The following ZNF630 variants were observed in gnomAD, a reference collection of about 807,000 sequenced individuals.
ZNF630 encodes zinc finger protein 630.
ZNF630 carries 5 observed loss-of-function variants against 7.2 expected under a neutral mutation model. That is an observed-to-expected ratio of 0.70 (90% CI 0.36 to 1.46). The LOEUF is 1.46. ZNF630 is among the 40% of genes most tolerant of loss of function. The pLI, the probability that ZNF630 is intolerant of heterozygous loss-of-function variation, is 0.03. For synonymous variants in ZNF630, 158 were observed against 162.8 expected (o/e 0.97, Z 0.23); for missense variants, 461 against 477.0 (o/e 0.97, Z 0.31).
At position 48,059,855 on chromosome X, in the gene ZNF630, CTGTTATAA is replaced by C. The variant is rs782559027; in HGVS notation, c.579_586del (p.Asn193LysfsTer10). On this transcript the variant is annotated frameshift_variant, in exon 5 of 5. Transcript: ENST00000276054. LOFTEE classifies it low-confidence loss of function (END_TRUNC). ...AGTGGGGTTCTTTCTTGCATAGCTC[CTGTTATAA>C]TTTAGTAAGTCTGAATTAGACTTCA... The C allele has an allele frequency of 8.3e-7, 1 of 1,208,132 alleles. No homozygotes were observed. The highest frequency in any genetic ancestry group is 2.2e-5 in the Admixed American group (1 of 45,879).
Position 48,069,614 on chromosome X carries a change from G to T in ZNF630, c.-176+1653C>A, listed in dbSNP as rs1350363733. Among the ~76,000 whole-genome samples the T allele has an allele frequency of 1.8e-5, 2 of 111,055 alleles. 1 individual carries two copies. Among genetic ancestry groups the T allele is most frequent in the African/African-American group, 6.6e-5 (2 of 30,412 alleles). On this transcript the variant is annotated intron_variant, in intron 1 of 4. Transcript: ENST00000276054. ...CACTTCTCATCCCAAGCCTCACAGGGTAGGCCCTGCTATTATCCTCATTTC... is the reference window on the plus strand; with the variant it reads ...CACTTCTCATCCCAAGCCTCACAGGTTAGGCCCTGCTATTATCCTCATTTC...
chrX:48,058,667 G>A lies in ZNF630; in HGVS notation c.1775C>T (p.Thr592Ile). Reference sequence around the variant, plus strand: ...TTCAGGGGTTTTCTCCCTAGGATGAGTTTTCTGATGTATAATGAGTGGAGA... The same window carrying A: ...TTCAGGGGTTTTCTCCCTAGGATGAATTTTCTGATGTATAATGAGTGGAGA... ...GKSPLIIHQK[T>I]HPREKTPECA... Residue 592 changes from threonine to isoleucine, a missense_variant, in exon 5 of 5, where the codon ACT (threonine) becomes ATT (isoleucine). Transcript: ENST00000276054. 8.3e-7 allele frequency: 1 copy of A among 1,206,890 alleles called. No individual in the cohort carries two copies. The highest frequency in any genetic ancestry group is 1.1e-6 in the Non-Finnish European group (1 of 892,589).
At chrX:48,068,583 A>C (rs919897911) in intron 1 of ZNF630, among the ~76,000 whole-genome samples, 1 of 111,144 alleles carries the variant, frequency 9.0e-6, no homozygotes, top group Non-Finnish European at 1.9e-5. Flanking sequence ...TCTCCATTTG[A>C]TTTTTTTCCA....
intron 3 of ZNF630, 114 bp downstream of exon 3, chrX:48,060,705 A>T: frequency 1.0e-6 from 1 of 972,925 alleles, no homozygotes. Flanking sequence ...AAAAACCAAA[A>T]CTATAAAAGA....
In ZNF630 at chrX:48,059,215, C is replaced by T. The variant is rs2059087608; in HGVS notation, c.1227G>A (p.Gly409=). The T allele has an allele frequency of 5.8e-6, 7 of 1,208,246 alleles. No homozygotes were observed. The East Asian group carries it at 2.1e-4, about 36-fold the overall frequency. ...GCTGTGTTTTCCGAGGGAAGGTCTT[C>T]CCACATTCAGTACATTCATAGGGCT... The part of the protein sequence containing the change: ...GKKPYECTEC[G]KTFPRKTQLI... Residue 409 remains glycine (G), a synonymous_variant, in exon 5 of 5, where the codon GGG becomes GGA. Transcript: ENST00000276054.
At chrX:48,065,513 A>C (rs12839351) in intron 2 of ZNF630, among the ~76,000 whole-genome samples, 5 of 107,232 alleles carry the variant, frequency 4.7e-5, no homozygotes, top group South Asian at 4.2e-4. Context: ...GGAAGGAAGG[A>C]AGGCAGGCAG....
At chrX:48,067,414 T>A (rs1320753981) in intron 1 of ZNF630, among the ~76,000 whole-genome samples, 3 of 112,627 alleles carry the variant, frequency 2.7e-5, no homozygotes, top group African/African-American at 9.7e-5. Flanking sequence ...GGTAACAGCA[T>A]CAACCTTTAA....
At chrX:48,069,970 G>A (rs1556910808) in intron 1 of ZNF630, among the ~76,000 whole-genome samples, 4 of 107,491 alleles carry the variant, frequency 3.7e-5, no homozygotes, top group Non-Finnish European at 5.8e-5. Flanking sequence ...CCATTCTCCT[G>A]CCTCAGCCTC....
intron 2 of ZNF630, 89 bp downstream of exon 2, chrX:48,066,783 T>G: frequency 3.6e-6 from 4 of 1,110,473 alleles, no homozygotes; most frequent in Non-Finnish European, 3.7e-6. Context: ...GATCATCTAT[T>G]CTCTCTAAAT....
chrX:48,067,927 G>C (rs934011551), intron 1 of ZNF630, among the ~76,000 whole-genome samples: 2 of 110,429 alleles, frequency 1.8e-5, no homozygotes, highest in African/African-American at 6.6e-5. Flanking sequence ...CAGGCGTAGT[G>C]GTGGGCGCCT....
At chrX:48,061,475 C>A (rs915921267) in intron 2 of ZNF630, among the ~76,000 whole-genome samples, 3 of 111,584 alleles carry the variant, frequency 2.7e-5, no homozygotes, top group Non-Finnish European at 5.7e-5. Context: ...AAAATATACA[C>A]ATAACAGATA....
intron 1 of ZNF630, among the ~76,000 whole-genome samples, chrX:48,070,091 C>T (rs975067751): frequency 7.5e-5 from 8 of 107,329 alleles, no homozygotes; most frequent in Non-Finnish European, 1.5e-4. Flanking sequence ...ATTTCCTGAC[C>T]TCGTGATCCG....
At chrX:48,065,251 C>T (rs2059124626) in intron 2 of ZNF630, among the ~76,000 whole-genome samples, 1 of 110,420 alleles carries the variant, frequency 9.1e-6, no homozygotes, top group Non-Finnish European at 1.9e-5. Context: ...CCTGTAATCC[C>T]AACACTTTGG....
intron 2 of ZNF630, among the ~76,000 whole-genome samples, chrX:48,063,289 C>T (rs782624433): frequency 9.7e-6 from 1 of 102,957 alleles, no homozygotes; most frequent in South Asian, 4.2e-4. Context: ...AAAAAGTTTG[C>T]AATGTGCACT....
intron 1 of ZNF630, among the ~76,000 whole-genome samples, chrX:48,069,328 G>A (rs186539102): frequency 1.8e-5 from 2 of 109,511 alleles, no homozygotes; most frequent in East Asian, 5.6e-4. Flanking sequence ...CTGCCCCCAA[G>A]GGGACAAAAA....
chrX:48,060,276 C>A (rs868918353), intron 4 of ZNF630, 73 bp from the exon 5 acceptor site: 33 of 556,159 alleles, frequency 5.9e-5, no homozygotes, highest in Admixed American at 1.7e-4. Context: ...CACACACACA[C>A]ACACACACAC....
intron 2 of ZNF630, among the ~76,000 whole-genome samples, chrX:48,062,308 T>C (rs1556909298): frequency 8.9e-6 from 1 of 112,606 alleles, no homozygotes; most frequent in Admixed American, 9.3e-5. Context: ...TGTGAGCAAA[T>C]GACATGTGTG....
chrX:48,066,541 G>C, intron 2 of ZNF630: 1 of 259,300 alleles, frequency 3.9e-6, no homozygotes, highest in Middle Eastern at 1.2e-3. Flanking sequence ...CTGACCTTCA[G>C]GAAAACTCAG....
At chrX:48,068,166 A>AGAAGGAAGGAAGGAAGGAAGGAAG (rs199852662) in intron 1 of ZNF630, among the ~76,000 whole-genome samples, 1 of 84,469 alleles carries the variant, frequency 1.2e-5, no homozygotes, top group African/African-American at 4.7e-5. Context: ...GGAGGGAGGA[A>AGAAGGAAGGAAGGAAGGAAGGAAG]GAAGGAAGGA....
Sources: allele counts gnomAD v4.1 joint callset (sites outside exome capture counted in the v4.1 genomes callset), GRCh38; gene constraint gnomAD v4.1.1; transcripts MANE v1.5; gene names NCBI Gene and HGNC (gene_info 2026-07-23, HGNC 2026-07-21).